Variants in RAB3GAP1 observed in about 807,000 individuals in gnomAD.
RAB3GAP1 encodes rab3 GTPase-activating protein catalytic subunit.
Under a neutral mutation model 130.7 loss-of-function variants are expected in RAB3GAP1, and 86 were observed. The ratio of observed to expected loss-of-function variants is 0.66; its 90% CI spans 0.55 to 0.79. RAB3GAP1 has a LOEUF of 0.79. RAB3GAP1 is among the 30% of genes least tolerant of loss of function. RAB3GAP1 has a pLI of 0.00. For missense variants in RAB3GAP1, 1,029 were observed against 1,169.4 expected, an observed-to-expected ratio of 0.88 and a Z score of 1.75; for synonymous variants, 367 against 401.7, an observed-to-expected ratio of 0.91 and a Z score of 1.03.
At chr2:135,064,725 T>G (rs1689266979) in intron 3 of RAB3GAP1, among the ~76,000 whole-genome samples, 1 of 150,996 alleles carries the variant, frequency 6.6e-6, no homozygotes, top group Non-Finnish European at 1.5e-5. Context: ...CATTTTCCTG[T>G]TTCGTTTTGT....
At chr2:135,054,456 A>G (rs564231064) in intron 2 of RAB3GAP1, among the ~76,000 whole-genome samples, 17 of 152,228 alleles carry the variant, frequency 1.1e-4, no homozygotes, top group South Asian at 2.1e-4. Flanking sequence ...AAGGGAACCT[A>G]GAAGGGAGGA....
chr2:135,117,500 T>TGC (rs1278401264), intron 7 of RAB3GAP1, among the ~76,000 whole-genome samples: 3 of 151,736 alleles, frequency 2.0e-5, no homozygotes, highest in African/African-American at 7.3e-5. Context: ...CTTCTGCTTC[T>TGC]TCTTCTTCTT....
intron 22 of RAB3GAP1, among the ~76,000 whole-genome samples, chr2:135,163,361 T>C (rs1045687785): frequency 9.2e-5 from 14 of 152,202 alleles, no homozygotes; most frequent in African/African-American, 3.1e-4. Context: ...TGGTTTGCTC[T>C]TGGAGATGTG....
chr2:135,110,486 A>G (rs1436334719), intron 5 of RAB3GAP1, among the ~76,000 whole-genome samples: 1 of 152,232 alleles, frequency 6.6e-6, no homozygotes, highest in East Asian at 1.9e-4. Context: ...TAATGGCAGT[A>G]GAATGGATGG....
At position 135,162,768 on chromosome 2, in the gene RAB3GAP1, T is replaced by C; in HGVS notation, c.2407T>C (p.Ser803Pro). 1 of 1,613,662 alleles carries C rather than the reference T, an allele frequency of 6.2e-7. No homozygotes were observed. Among genetic ancestry groups the C allele is most frequent in the Non-Finnish European group, 8.5e-7 (1 of 1,179,546 alleles). Reference protein sequence around the residue: ...KEEESLENISSVKKIIKQIIS... With the variant: ...KEEESLENISPVKKIIKQIIS... ...AATAGAAAGTCTCGAAAACATTTCT[T>C]CAGTTAAGAAGATCATAAAGCAGAT... The change falls in exon 21 of 24, where the codon TCA becomes CCA. Residue 803 changes from serine (S) to proline (P), a missense_variant. Around this residue, in one of 3 missense-constraint regions of RAB3GAP1, gnomAD observed 373 missense variants for 493.6 expected, o/e 0.76. Transcript: ENST00000264158.
rs781001414 is a variant in RAB3GAP1 at position 135,162,756 on chromosome 2, G to A, written c.2395G>A (p.Glu799Lys). 16 of 1,612,914 alleles carry A rather than the reference G, an allele frequency of 9.9e-6. No individual in the cohort carries two copies. Among genetic ancestry groups the A allele is most frequent in the South Asian group, 4.4e-5 (4 of 91,066 alleles). ...AATCTTTTCTAAAATAGAAAGTCTC[G>A]AAAACATTTCTTCAGTTAAGAAGAT... ...VLKVKEEESL[E>K]NISSVKKIIK... Residue 799 changes from glutamate to lysine, a missense_variant, in exon 21 of 24, where the codon GAA becomes AAA. Coordinates refer to ENST00000264158, the MANE Select transcript of RAB3GAP1 (RefSeq NM_012233.3).
chr2:135,153,558 G>A lies in RAB3GAP1; in HGVS notation c.2062-91G>A, dbSNP rs552261795. 381 of 1,191,194 alleles carry A rather than the reference G, an allele frequency of 3.2e-4. 1 individual carries two copies. The highest frequency in any genetic ancestry group is 2.4e-5 in the Non-Finnish European group (19 of 798,022). The allele number at this position is 1,191,194 out of a possible 1,614,324, so 73.8% of individuals were successfully genotyped here. A position where few individuals can be genotyped will look rare whatever the true frequency, so the allele number is the denominator to read the frequency against. On this transcript the variant is annotated intron_variant, in intron 18 of 23. Coordinates refer to ENST00000264158, the MANE Select transcript of RAB3GAP1 (RefSeq NM_012233.3). ...CATATTAGATTGTAAAGATTAGATA[G>A]GCTTTTTTTGAAAATACAATTTTGC...
At chr2:135,175,936 A>G (rs1692991765) in intron 24 of RAB3GAP1, among the ~76,000 whole-genome samples, 1 of 152,240 alleles carries the variant, frequency 6.6e-6, no homozygotes, top group Non-Finnish European at 1.5e-5. Flanking sequence ...TGATAATGTC[A>G]ATATTGCCAT....
intron 23 of RAB3GAP1, chr2:135,165,057 C>T: frequency 2.3e-6 from 1 of 436,588 alleles, no homozygotes; most frequent in South Asian, 1.6e-5. Context: ...GTTTTACCAT[C>T]TTTAAACCCC....
chr2:135,089,977 A>G (rs762434684), intron 3 of RAB3GAP1: 6 of 203,368 alleles, frequency 3.0e-5, no homozygotes, highest in African/African-American at 4.7e-5. Flanking sequence ...TAGGAGAAAT[A>G]CCTAATGTAG....
intron 3 of RAB3GAP1, among the ~76,000 whole-genome samples, chr2:135,072,298 A>T (rs1689497798): frequency 6.6e-6 from 1 of 152,226 alleles, no homozygotes; most frequent in Non-Finnish European, 1.5e-5. Context: ...TCCAGGGAAG[A>T]TTCATAAAAG....
intron 5 of RAB3GAP1, among the ~76,000 whole-genome samples, chr2:135,103,819 G>A (rs1255730325): frequency 6.6e-6 from 1 of 152,216 alleles, no homozygotes; most frequent in Non-Finnish European, 1.5e-5. Flanking sequence ...ACCTTTGTTA[G>A]ACCAAGGTTG....
intron 14 of RAB3GAP1, 113 bp from the exon 15 acceptor site, chr2:135,133,748 T>G: frequency 1.1e-6 from 1 of 870,650 alleles, no homozygotes; most frequent in South Asian, 1.4e-5. Flanking sequence ...AATGCCTAGT[T>G]TAGGTGGGAT....
rs563974814 is a variant in RAB3GAP1 at position 135,134,307 on chromosome 2, A to G, written c.1499+274A>G. On this transcript the variant is annotated intron_variant, in intron 15 of 23. Transcript: ENST00000264158. The stretch of plus-strand genomic sequence containing the variant: ...TAGATTGATTACAGTTTTTCCCCCA[A>G]TAATCTTTAATAACAGATGTTCATA... 4.5e-4 allele frequency among the ~76,000 whole-genome samples: 69 copies of G among 152,340 alleles called. 2 individuals are homozygous for G. The South Asian group carries it at 9.9e-3, about 22-fold the overall frequency.
intron 5 of RAB3GAP1, among the ~76,000 whole-genome samples, chr2:135,111,142 CATT>C (rs1404185749): frequency 6.6e-6 from 1 of 152,034 alleles, no homozygotes; most frequent in Non-Finnish European, 1.5e-5. Flanking sequence ...AAATAATAAA[CATT>C]ATGAATTAAA....
chr2:135,100,588 T>C (rs1574108133), intron 5 of RAB3GAP1, among the ~76,000 whole-genome samples: 1 of 152,370 alleles, frequency 6.6e-6, no homozygotes, highest in East Asian at 1.9e-4. Context: ...TCACTTTCAG[T>C]TTTGTCTTAC....
At chr2:135,117,890 G>A (rs1691077910) in intron 7 of RAB3GAP1, among the ~76,000 whole-genome samples, 1 of 149,842 alleles carries the variant, frequency 6.7e-6, no homozygotes, top group Non-Finnish European at 1.5e-5. Context: ...GTCTCACTCT[G>A]TCACCCAGGC....
intron 13 of RAB3GAP1, among the ~76,000 whole-genome samples, chr2:135,131,671 C>G (rs1691549598): frequency 6.6e-6 from 1 of 152,152 alleles, no homozygotes; most frequent in Non-Finnish European, 1.5e-5. Flanking sequence ...GCCATCCACA[C>G]CATGGTTTAA....
intron 7 of RAB3GAP1, among the ~76,000 whole-genome samples, chr2:135,118,428 C>G (rs1392704932): frequency 6.6e-6 from 1 of 152,134 alleles, no homozygotes; most frequent in Non-Finnish European, 1.5e-5. Context: ...CTGCCATAAT[C>G]CTCTAAATAT....
Sources: allele counts gnomAD v4.1 joint callset (sites outside exome capture counted in the v4.1 genomes callset), GRCh38; gene constraint gnomAD v4.1.1; regional missense constraint gnomAD v4.1.1; transcripts MANE v1.5; gene names NCBI Gene and HGNC (gene_info 2026-07-23, HGNC 2026-07-21).